The following DAZAP1 variants were observed in gnomAD, a reference collection of about 807,000 sequenced individuals.
DAZAP1 encodes the protein DAZ associated protein 1, also known as DAZ-associated protein 1.
DAZAP1 carries 6 observed loss-of-function variants against 60.1 expected under a neutral mutation model. The ratio of observed to expected loss-of-function variants is 0.10; its 90% CI spans 0.05 to 0.20. The LOEUF is 0.20. Ranked by LOEUF, DAZAP1 falls within the 10% of genes least tolerant of loss-of-function variation. The pLI is 1.00. For synonymous variants in DAZAP1, 235 were observed against 215.9 expected (o/e 1.09, Z -0.78); for missense variants, 366 against 560.4 (o/e 0.65, Z 3.50).
chr19:1,418,636 C>T lies in DAZAP1; in HGVS notation c.238-30C>T. 2 of 1,613,680 alleles carry T rather than the reference C, an allele frequency of 1.2e-6. No individual in the cohort carries two copies. The highest frequency in any genetic ancestry group is 1.7e-6 in the Non-Finnish European group (2 of 1,179,738). On this transcript the variant is annotated intron_variant, in intron 3 of 11. Coordinates refer to ENST00000233078, the MANE Select transcript of DAZAP1 (RefSeq NM_018959.4). This position sits in a 1 kb window ranked among gnomAD's most constrained non-coding sequence, Gnocchi z 5.7. ...TTTCCTAGAGAAACAGCCTCTTATTCACAACCAGCTGATTTGAAATTTCCT... is the reference window on the plus strand; with the variant it reads ...TTTCCTAGAGAAACAGCCTCTTATTTACAACCAGCTGATTTGAAATTTCCT...
rs369965486 is a variant in DAZAP1, at chr19:1,425,540, G to A, written c.464-338G>A. On this transcript the variant is annotated intron_variant, in intron 6 of 11. Coordinates refer to ENST00000233078, the MANE Select transcript of DAZAP1 (RefSeq NM_018959.4). This position sits in a 1 kb window ranked among gnomAD's most constrained non-coding sequence, Gnocchi z 5.4. ...GCCAGTAGCGATGGAGGCCCTCACCGTTCCCCTGTCTCCGCTGCTGTTTTA... is the reference window on the plus strand; with the variant it reads ...GCCAGTAGCGATGGAGGCCCTCACCATTCCCCTGTCTCCGCTGCTGTTTTA... 1.3e-5 allele frequency among the ~76,000 whole-genome samples: 2 copies of A among 152,328 alleles called. No homozygotes were observed. Among genetic ancestry groups the A allele is most frequent in the African/African-American group, 4.8e-5 (2 of 41,574 alleles).
chr19:1,433,532 G>A lies in DAZAP1; in HGVS notation c.1048+842G>A, dbSNP rs563346211. On this transcript the variant is annotated intron_variant, in intron 11 of 11. Coordinates refer to ENST00000233078, the MANE Select transcript of DAZAP1 (RefSeq NM_018959.4). This position sits in a 1 kb window ranked among gnomAD's most constrained non-coding sequence, Gnocchi z 6.1. ...GCCGAGGTGCCCGCCCACCCACCTC[G>A]CATGGCTGTGGTTCCCCTGCCCCCA... 1.0e-4 allele frequency: 50 copies of A among 490,050 alleles called. No individual in the cohort carries two copies. Among genetic ancestry groups the A allele is most frequent in the Middle Eastern group, 6.0e-4 (1 of 1,678 alleles). 30.4% of individuals were successfully genotyped at this position (490,050 alleles called of 1,614,324 possible).
chr19:1,418,563 G>A lies in DAZAP1; in HGVS notation c.238-103G>A. ...CAGGGTGAATGGAGCCGGCGGGGCG[G>A]GGCGGGCCGGGCTGCTGTGCCGTGG... is the stretch of plus-strand genomic sequence containing the variant. On this transcript the variant is annotated intron_variant, in intron 3 of 11. Coordinates refer to ENST00000233078, the MANE Select transcript of DAZAP1 (RefSeq NM_018959.4). The surrounding 1 kb of genome is among the most constrained non-coding windows in gnomAD (Gnocchi z 5.7). 1 of 1,488,668 alleles carries A rather than the reference G, an allele frequency of 6.7e-7. No individual in the cohort carries two copies. Among genetic ancestry groups the A allele is most frequent in the Non-Finnish European group, 9.3e-7 (1 of 1,070,010 alleles). The allele number at this position is 1,488,668 out of a possible 1,614,324, so 92.2% of individuals were successfully genotyped here. A position where few individuals can be genotyped will look rare whatever the true frequency, so the allele number is the denominator to read the frequency against.
In DAZAP1 at chr19:1,426,013, C is replaced by A; in HGVS notation, c.546+53C>A. 1.6e-6 allele frequency: 2 copies of A among 1,275,060 alleles called. No homozygotes were observed. Among genetic ancestry groups the A allele is most frequent in the African/African-American group, 2.9e-5 (2 of 68,288 alleles). The allele number at this position is 1,275,060 out of a possible 1,614,324, so 79.0% of individuals were successfully genotyped here. On this transcript the variant is annotated intron_variant, in intron 7 of 11. Coordinates refer to ENST00000233078, the MANE Select transcript of DAZAP1 (RefSeq NM_018959.4). This position sits in a 1 kb window ranked among gnomAD's most constrained non-coding sequence, Gnocchi z 5.4. The stretch of plus-strand genomic sequence containing the variant: ...TAAGACCAAACCAAGTCTTAGGCAA[C>A]TTAGGGGTTTCACTGGAAAGGAACA...
chr19:1,429,993 A>C lies in DAZAP1; in HGVS notation c.727A>C (p.Ile243Leu). 1 of 1,572,768 alleles carries C rather than the reference A, an allele frequency of 6.4e-7. No individual in the cohort carries two copies. Among genetic ancestry groups the C allele is most frequent in the Non-Finnish European group, 8.6e-7 (1 of 1,158,080 alleles). ...QGMWVPAGQA[I>L]GGYGPPPAGR... ...AATGTGGGTGCCGGCAGGACAGGCG[A>C]TTGGTAAGTCCTTGTTTATAGAGCA... is the stretch of plus-strand genomic sequence containing the variant. Residue 243 changes from isoleucine to leucine, a missense_variant, in exon 9 of 12, where the codon ATT (isoleucine) becomes CTT (leucine). Physicochemically the swap from Ile to Leu is conservative, Grantham distance 5. This residue lies in a region of DAZAP1 where 240 missense variants were observed against 308.8 expected (regional missense o/e 0.78). Transcript: ENST00000233078.
chr19:1,416,997 G>T lies in DAZAP1; in HGVS notation c.30-503G>T, dbSNP rs1001920923. On this transcript the variant is annotated intron_variant, in intron 1 of 11. Coordinates refer to ENST00000233078, the MANE Select transcript of DAZAP1 (RefSeq NM_018959.4). This position sits in a 1 kb window ranked among gnomAD's most constrained non-coding sequence, Gnocchi z 4.3. Reference sequence around the variant, plus strand: ...CTGTGGGCCTCTCGTTAGTTCGTGAGTGCAGGCTCATTGGGAGGCTTCTGT... The same window carrying T: ...CTGTGGGCCTCTCGTTAGTTCGTGATTGCAGGCTCATTGGGAGGCTTCTGT... The T allele has an allele frequency of 1.9e-5, 4 of 208,278 alleles. No homozygotes were observed. Among genetic ancestry groups the T allele is most frequent in the Middle Eastern group, 3.6e-3 (2 of 548 alleles). The allele number at this position is 208,278 out of a possible 1,614,324, so 12.9% of individuals were successfully genotyped here.
In DAZAP1 at chr19:1,425,790, A is replaced by C. The variant is rs754275827; in HGVS notation, c.464-88A>C. The C allele has an allele frequency of 8.3e-6, 8 of 964,012 alleles. No individual in the cohort carries two copies. Among genetic ancestry groups the C allele is most frequent in the Non-Finnish European group, 1.4e-5 (8 of 589,890 alleles). The allele number at this position is 964,012 out of a possible 1,614,324, so 59.7% of individuals were successfully genotyped here. A position where few individuals can be genotyped will look rare whatever the true frequency, so the allele number is the denominator to read the frequency against. ...ACAGCTTAGCTGAAACCCAAGGTCG[A>C]TCCCTCGGCCCGTCCCTAATACTGT... On this transcript the variant is annotated intron_variant, in intron 6 of 11. Coordinates refer to ENST00000233078, the MANE Select transcript of DAZAP1 (RefSeq NM_018959.4). The surrounding 1 kb of genome is among the most constrained non-coding windows in gnomAD (Gnocchi z 5.4).
chr19:1,422,703 ACCTT>A lies in DAZAP1; in HGVS notation c.463+313_463+316del, dbSNP rs2083192882. ...GAAGAGTGTGGTCCTTCTGCATTTGACCTTCCTTCACCCTCATCCAGTCCTCCCA... is the reference window on the plus strand; with the variant it reads ...GAAGAGTGTGGTCCTTCTGCATTTGACCTTCACCCTCATCCAGTCCTCCCA... On this transcript the variant is annotated intron_variant, in intron 6 of 11. Coordinates refer to ENST00000233078, the MANE Select transcript of DAZAP1 (RefSeq NM_018959.4). This position sits in a 1 kb window ranked among gnomAD's most constrained non-coding sequence, Gnocchi z 4.5. Among the ~76,000 whole-genome samples the A allele has an allele frequency of 1.3e-5, 2 of 150,846 alleles. No homozygotes were observed. The highest frequency in any genetic ancestry group is 1.3e-4 in the Admixed American group (2 of 15,178).
Position 1,422,515 on chromosome 19 carries a change from G to A in DAZAP1, c.463+119G>A, listed in dbSNP as rs557887343. The stretch of plus-strand genomic sequence containing the variant: ...GTAGCAAACAGCCTCAGGAAGGGAC[G>A]ATTTGGAGACAAATGACTAAAACGT... On this transcript the variant is annotated intron_variant, in intron 6 of 11. Coordinates refer to ENST00000233078, the MANE Select transcript of DAZAP1 (RefSeq NM_018959.4). This position sits in a 1 kb window ranked among gnomAD's most constrained non-coding sequence, Gnocchi z 4.5. 22 of 883,136 alleles carry A rather than the reference G, an allele frequency of 2.5e-5. No individual in the cohort carries two copies. The East Asian group carries it at 4.0e-4, about 16-fold the overall frequency. The allele number at this position is 883,136 out of a possible 1,614,324, so 54.7% of individuals were successfully genotyped here.
chr19:1,414,596 T>C (rs1351521021), intron 1 of DAZAP1, among the ~76,000 whole-genome samples: 1 of 151,578 alleles, frequency 6.6e-6, no homozygotes, highest in African/African-American at 2.4e-5. Context: ...AATACAAAAA[T>C]TAGCTGGCGG....
Position 1,433,440 on chromosome 19 carries a change from T to G in DAZAP1, c.1048+750T>G. 1 of 423,402 alleles carries G rather than the reference T, an allele frequency of 2.4e-6. No individual in the cohort carries two copies. Among genetic ancestry groups the G allele is most frequent in the Middle Eastern group, 6.7e-4 (1 of 1,486 alleles). The allele number at this position is 423,402 out of a possible 1,614,324, so 26.2% of individuals were successfully genotyped here. A position where few individuals can be genotyped will look rare whatever the true frequency, so the allele number is the denominator to read the frequency against. Reference sequence around the variant, plus strand: ...CACCTGTCTGCAGGTGGCCACGGGCTTCCGGGGTGCCTGTGAACACGCTTC... The same window carrying G: ...CACCTGTCTGCAGGTGGCCACGGGCGTCCGGGGTGCCTGTGAACACGCTTC... On this transcript the variant is annotated intron_variant, in intron 11 of 11. Coordinates refer to ENST00000233078, the MANE Select transcript of DAZAP1 (RefSeq NM_018959.4). The surrounding 1 kb of genome is among the most constrained non-coding windows in gnomAD (Gnocchi z 6.1).
At position 1,432,195 on chromosome 19, in the gene DAZAP1, G is replaced by A. The variant is rs1223113617; in HGVS notation, c.872-319G>A. 2.4e-6 allele frequency: 1 copy of A among 416,144 alleles called. No individual in the cohort carries two copies. The highest frequency in any genetic ancestry group is 4.4e-6 in the Non-Finnish European group (1 of 229,368). 25.8% of individuals were successfully genotyped at this position (416,144 alleles called of 1,614,324 possible). ...GTGGCAGGTTTTTGTCCTTCTGAAA[G>A]AGCAATTTTGCTGTGAGGTTACTTG... On this transcript the variant is annotated intron_variant, in intron 10 of 11. Transcript: ENST00000233078. The surrounding 1 kb of genome is among the most constrained non-coding windows in gnomAD (Gnocchi z 4.9).
intron 1 of DAZAP1, among the ~76,000 whole-genome samples, chr19:1,412,264 G>A (rs933214404): frequency 1.3e-5 from 2 of 152,194 alleles, no homozygotes; most frequent in South Asian, 2.1e-4. Flanking sequence ...ATGGAGGGGC[G>A]GGCTGGGCTC....
chr19:1,434,823 C>T lies in DAZAP1; in HGVS notation c.1135C>T (p.Pro379Ser). 2.5e-6 allele frequency: 4 copies of T among 1,606,934 alleles called. No homozygotes were observed. The highest frequency in any genetic ancestry group is 3.4e-6 in the Non-Finnish European group (4 of 1,176,958). Reference protein sequence around the residue: ...QPPSYGGPSVPGSGGPPAGGS... With the variant: ...QPPSYGGPSVSGSGGPPAGGS... ...TCCTTCCTACGGGGGTCCCTCCGTG[C>T]CAGGGTCGGGGGGCCCCCCCGCCGG... The change falls in exon 12 of 12, where the codon CCA (proline) becomes TCA (serine). Residue 379 changes from proline to serine, a missense_variant. Physicochemically the swap from Pro to Ser is moderately conservative, Grantham distance 74. This residue lies in a region of DAZAP1 where 240 missense variants were observed against 308.8 expected (regional missense o/e 0.78). Transcript: ENST00000233078. This position sits in a 1 kb window ranked among gnomAD's most constrained non-coding sequence, Gnocchi z 8.0.
intron 1 of DAZAP1, among the ~76,000 whole-genome samples, chr19:1,409,113 T>G (rs1314945524): frequency 6.6e-6 from 1 of 152,194 alleles, no homozygotes; most frequent in Non-Finnish European, 1.5e-5. Flanking sequence ...AGAACCAGGA[T>G]GAAAGCACTT....
Position 1,428,586 on chromosome 19 carries a change from C to A in DAZAP1, c.547-256C>A. On this transcript the variant is annotated intron_variant, in intron 7 of 11. Transcript: ENST00000233078. The surrounding 1 kb of genome is among the most constrained non-coding windows in gnomAD (Gnocchi z 4.0). The stretch of plus-strand genomic sequence containing the variant: ...AGGGCTCTGGGCTCGGTCCTGCTGC[C>A]CCGCAGTGGGCGGGCTCTGTGTGTC... The A allele has an allele frequency of 2.3e-6, 1 of 434,966 alleles. No individual in the cohort carries two copies. The highest frequency in any genetic ancestry group is 4.1e-6 in the Non-Finnish European group (1 of 246,004). 26.9% of individuals were successfully genotyped at this position (434,966 alleles called of 1,614,324 possible).
chr19:1,417,307 A>G, intron 1 of DAZAP1, 193 bp from the exon 2 acceptor site: 2 of 658,490 alleles, frequency 3.0e-6, no homozygotes, highest in South Asian at 3.4e-5. Context: ...GATTGGGATC[A>G]TCTTTCATGT....
intron 10 of DAZAP1, among the ~76,000 whole-genome samples, 184 bp downstream of exon 10, chr19:1,430,546 C>G (rs903649499): frequency 6.6e-6 from 1 of 152,160 alleles, no homozygotes; most frequent in Non-Finnish European, 1.5e-5. Flanking sequence ...CCTGTGGCCT[C>G]GCTGGTTAGG....
At chr19:1,420,661 G>T (rs2083130488) in intron 4 of DAZAP1, among the ~76,000 whole-genome samples, 1 of 152,148 alleles carries the variant, frequency 6.6e-6, no homozygotes, top group East Asian at 1.9e-4. Context: ...CGGCAGAAGG[G>T]GCTGTGTGGT....
Sources: allele counts gnomAD v4.1 joint callset (sites outside exome capture counted in the v4.1 genomes callset), GRCh38; gene constraint gnomAD v4.1.1; regional missense constraint gnomAD v4.1.1; non-coding constraint Gnocchi (gnomAD v3.1); transcripts MANE v1.5; gene names NCBI Gene and HGNC (gene_info 2026-07-23, HGNC 2026-07-21).